The following ANO4 variants were observed in gnomAD, a reference collection of about 807,000 sequenced individuals.
ANO4 encodes anoctamin-4.
ANO4 carries 69 observed loss-of-function variants against 141.9 expected under a neutral mutation model. That is an observed-to-expected ratio of 0.49 (90% CI 0.40 to 0.59). The LOEUF (loss-of-function observed/expected upper bound fraction) is 0.59, where lower values mean the gene tolerates loss of function less well. Ranked by LOEUF, ANO4 falls within the 20% of genes least tolerant of loss-of-function variation. The probability of loss-of-function intolerance (pLI) is 0.00; values close to 1 mark genes in which losing one functional copy is unlikely to be tolerated. For missense variants in ANO4, 894 were observed against 1,162.2 expected (o/e 0.77, Z 3.36); for synonymous variants, 350 against 394.3 (o/e 0.89, Z 1.33).
chr12:101,073,851 G>T (rs545602226), intron 14 of ANO4, among the ~76,000 whole-genome samples: 1 of 152,248 alleles, frequency 6.6e-6, no homozygotes, highest in South Asian at 2.1e-4. Context: ...TAACACCTCA[G>T]ATGAACTTTA....
chr12:100,798,397 G>A (rs1275665583), intron 1 of ANO4, among the ~76,000 whole-genome samples: 1 of 152,146 alleles, frequency 6.6e-6, no homozygotes, highest in Non-Finnish European at 1.5e-5. Context: ...CAGAGATTCA[G>A]AACTACTTCT....
intron 14 of ANO4, among the ~76,000 whole-genome samples, chr12:101,074,903 G>T (rs185949304): frequency 6.6e-4 from 101 of 152,182 alleles, no homozygotes; most frequent in African/African-American, 2.2e-3. Context: ...CTCTCTGCGT[G>T]CCAGTTGCTG....
At chr12:101,016,945 A>G (rs2046340085) in intron 8 of ANO4, among the ~76,000 whole-genome samples, 1 of 152,232 alleles carries the variant, frequency 6.6e-6, no homozygotes, top group Non-Finnish European at 1.5e-5. Flanking sequence ...GCACTACTGG[A>G]GTATATGCTG....
intron 1 of ANO4, among the ~76,000 whole-genome samples, chr12:100,899,092 GAAGGCTCATACTTGCCT>G (rs1455092295): frequency 6.6e-6 from 1 of 152,150 alleles, no homozygotes; most frequent in Non-Finnish European, 1.5e-5. Flanking sequence ...TCTGGGAGTA[GAAGGCTCATACTTGCCT>G]AGGCACCTGA....
intron 1 of ANO4, chr12:100,852,488 A>G (rs1171093566): frequency 6.6e-6 from 1 of 152,208 alleles, no homozygotes; most frequent in Non-Finnish European, 1.5e-5. Flanking sequence ...GACAAGATTG[A>G]TGCTTTCCTC....
chr12:100,833,821 C>G (rs546364340), intron 1 of ANO4, among the ~76,000 whole-genome samples: 49 of 152,244 alleles, frequency 3.2e-4, no homozygotes, highest in African/African-American at 1.2e-3. Flanking sequence ...AAGACTAGAT[C>G]TGATCACTTC....
chr12:100,997,819 G>A (rs2136385220), intron 8 of ANO4, among the ~76,000 whole-genome samples: 1 of 152,304 alleles, frequency 6.6e-6, no homozygotes, highest in South Asian at 2.1e-4. Flanking sequence ...GGAGTGGACA[G>A]TGAAATAGTG....
chr12:100,971,100 G>C (rs1421016783), intron 5 of ANO4, among the ~76,000 whole-genome samples: 3 of 152,176 alleles, frequency 2.0e-5, no homozygotes, highest in Non-Finnish European at 4.4e-5. Flanking sequence ...CTTGTTTACA[G>C]CTGGGTCTCC....
chr12:100,943,030 G>C (rs1262719307), intron 5 of ANO4, among the ~76,000 whole-genome samples: 1 of 152,134 alleles, frequency 6.6e-6, no homozygotes, highest in Admixed American at 6.5e-5. Flanking sequence ...AGACATTCAG[G>C]CTATTTTTTT....
chr12:101,019,260 T>C (rs1443870596), intron 8 of ANO4, among the ~76,000 whole-genome samples: 1 of 152,086 alleles, frequency 6.6e-6, no homozygotes, highest in African/African-American at 2.4e-5. Flanking sequence ...TTTGCATTCG[T>C]AAAAAGGGGA....
chr12:100,849,391 G>A (rs1198643545), intron 1 of ANO4, among the ~76,000 whole-genome samples: 3 of 152,214 alleles, frequency 2.0e-5, no homozygotes, highest in Admixed American at 6.5e-5. Flanking sequence ...GGAAGAAAGA[G>A]TCTCCTTCCT....
At chr12:100,923,163 T>C (rs1313608570) in intron 3 of ANO4, among the ~76,000 whole-genome samples, 2 of 152,064 alleles carry the variant, frequency 1.3e-5, no homozygotes, top group Non-Finnish European at 2.9e-5. Flanking sequence ...ATACTTTAAG[T>C]TCTAGGGTAC....
chr12:100,875,163 C>A (rs537007812), intron 1 of ANO4, among the ~76,000 whole-genome samples: 266 of 152,262 alleles, frequency 1.7e-3, no homozygotes, highest in African/African-American at 6.2e-3. Context: ...TGTGCCTGCC[C>A]ACCTCATGTC....
At chr12:101,080,053 A>T (rs1039654269) in intron 15 of ANO4, among the ~76,000 whole-genome samples, 1 of 152,144 alleles carries the variant, frequency 6.6e-6, no homozygotes, top group Non-Finnish European at 1.5e-5. Flanking sequence ...ACCCCTCCTG[A>T]GTCTCATTTC....
chr12:100,975,402 CT>C (rs545411584), intron 7 of ANO4, among the ~76,000 whole-genome samples: 12 of 149,338 alleles, frequency 8.0e-5, no homozygotes, highest in Non-Finnish European at 1.5e-4. Context: ...CTTTCTTTTT[CT>C]TTTTTCTTTT....
At chr12:100,781,677 T>C (rs917442750) in intron 3 of ANO4, among the ~76,000 whole-genome samples, 1 of 152,232 alleles carries the variant, frequency 6.6e-6, no homozygotes, top group Non-Finnish European at 1.5e-5. Context: ...TCTGGAGAAA[T>C]GGCCTTTAGT....
intron 1 of ANO4, among the ~76,000 whole-genome samples, chr12:100,818,753 T>C (rs921172546): frequency 2.0e-5 from 3 of 151,820 alleles, no homozygotes; most frequent in African/African-American, 7.3e-5. Flanking sequence ...TGATTTTGCC[T>C]CCCAGAGAAC....
rs779522455 is a variant in ANO4, at chr12:101,094,169, C to T, written c.1702-87C>T. The T allele has an allele frequency of 4.6e-5, 48 of 1,035,976 alleles. 1 individual carries two copies. The highest frequency in any genetic ancestry group is 5.1e-4 in the Middle Eastern group (2 of 3,944). The allele number at this position is 1,035,976 out of a possible 1,614,324, so 64.2% of individuals were successfully genotyped here. ...GATGCTTAATGAAATTATTTTGACT[C>T]GTGATTTGACTCCCTATTTCCTTTG... is the stretch of plus-strand genomic sequence containing the variant. On this transcript the variant is annotated intron_variant, in intron 17 of 27. Transcript: ENST00000392977.
At chr12:100,868,463 G>A (rs1241384872) in intron 1 of ANO4, among the ~76,000 whole-genome samples, 1 of 152,090 alleles carries the variant, frequency 6.6e-6, no homozygotes, top group Non-Finnish European at 1.5e-5. Flanking sequence ...GATCCCTGTG[G>A]AATAAGATTT....
Sources: allele counts gnomAD v4.1 joint callset (sites outside exome capture counted in the v4.1 genomes callset), GRCh38; gene constraint gnomAD v4.1.1; transcripts MANE v1.5; gene names NCBI Gene and HGNC (gene_info 2026-07-23, HGNC 2026-07-21).